The following CNTNAP4 variants were observed in gnomAD, a reference collection of about 807,000 sequenced individuals.
CNTNAP4 encodes the protein contactin-associated protein-like 4.
In CNTNAP4, 98 loss-of-function variants were observed where a neutral mutation model predicts 148.4. The observed-to-expected ratio is 0.66, with a 90% CI of 0.56 to 0.78. The LOEUF is 0.78. Ranked by LOEUF, CNTNAP4 falls within the 30% of genes least tolerant of loss-of-function variation. The probability of loss-of-function intolerance (pLI) is 0.00; values close to 1 mark genes in which losing one functional copy is unlikely to be tolerated. For missense variants in CNTNAP4, 1,935 were observed against 1,565.6 expected, an observed-to-expected ratio of 1.24 and a Z score of -3.98; for synonymous variants, 730 against 565.1, an observed-to-expected ratio of 1.29 and a Z score of -4.14.
chr16:76,480,333 G>A (rs990083395), intron 12 of CNTNAP4, among the ~76,000 whole-genome samples: 1 of 152,032 alleles, frequency 6.6e-6, no homozygotes, highest in Non-Finnish European at 1.5e-5. Context: ...ACTTTTAGGA[G>A]ATCATATTTT....
chr16:76,277,891 A>G (rs1312641207), intron 1 of CNTNAP4, 144 bp downstream of exon 1: 1 of 644,186 alleles, frequency 1.6e-6, no homozygotes, highest in Admixed American at 2.3e-5. Context: ...AATCTTGCCA[A>G]TGTGACCGGT....
At chr16:76,524,011 C>T (rs570217778) in intron 17 of CNTNAP4, among the ~76,000 whole-genome samples, 2 of 152,246 alleles carry the variant, frequency 1.3e-5, no homozygotes, top group East Asian at 1.9e-4. Context: ...CCCCATTACA[C>T]CTTTTATTTC....
chr16:76,401,713 C>A (rs1016657099), intron 3 of CNTNAP4, among the ~76,000 whole-genome samples: 1 of 152,024 alleles, frequency 6.6e-6, no homozygotes, highest in Non-Finnish European at 1.5e-5. Flanking sequence ...GAAGTATGTT[C>A]CTTCAATACC....
intron 2 of CNTNAP4, among the ~76,000 whole-genome samples, chr16:76,339,644 G>A (rs372226189): frequency 2.0e-4 from 30 of 152,256 alleles, no homozygotes; most frequent in African/African-American, 7.2e-4. Flanking sequence ...TTTGTTATGG[G>A]AAAGACAAAG....
intron 3 of CNTNAP4, among the ~76,000 whole-genome samples, chr16:76,409,114 C>T (rs546507222): frequency 6.6e-6 from 1 of 152,076 alleles, no homozygotes; most frequent in East Asian, 1.9e-4. Flanking sequence ...ATAGGCTTTA[C>T]ACTACATGTG....
chr16:76,553,428 C>G lies in CNTNAP4; in HGVS notation c.3588C>G (p.His1196Gln). 4.3e-6 allele frequency: 7 copies of G among 1,612,510 alleles called. No individual in the cohort carries two copies. The highest frequency in any genetic ancestry group is 5.9e-6 in the Non-Finnish European group (7 of 1,179,232). Residue 1196 changes from histidine to glutamine, a missense_variant, in exon 22 of 24, where the codon CAC (histidine) becomes CAG (glutamine). Coordinates refer to ENST00000611870, the MANE Select transcript of CNTNAP4 (RefSeq NM_033401.5). ...CAGACCCTGTCACTGTTACAGGACA[C>G]GTGACTGAGTCCAGCTGTATGGCCC... ...SHPDPVTVTG[H>Q]VTESSCMAQP...
At chr16:76,422,721 C>T (rs1335909989) in intron 3 of CNTNAP4, among the ~76,000 whole-genome samples, 4 of 151,708 alleles carry the variant, frequency 2.6e-5, no homozygotes, top group Non-Finnish European at 5.9e-5. Context: ...TTTCATTTTC[C>T]TCAGTTGTAA....
intron 6 of CNTNAP4, among the ~76,000 whole-genome samples, chr16:76,449,479 C>T (rs890745717): frequency 1.3e-5 from 2 of 152,020 alleles, no homozygotes; most frequent in African/African-American, 4.8e-5. Flanking sequence ...TATTTTTCAT[C>T]GACCAGTGAA....
intron 2 of CNTNAP4, among the ~76,000 whole-genome samples, chr16:76,343,893 C>T (rs1462761422): frequency 6.6e-6 from 1 of 152,146 alleles, no homozygotes; most frequent in Non-Finnish European, 1.5e-5. Context: ...AATCTTTTCT[C>T]TACATTTTTC....
In CNTNAP4 at chr16:76,277,402, C is replaced by T; in HGVS notation, c.-261C>T. On this transcript the variant is annotated 5_prime_UTR_variant, in exon 1 of 24. Transcript: ENST00000611870. ...TGCTTGTTAGGAAAGATGCTGAGTG[C>T]TTTTCAGTGAGGAGTCAGGGAGGTG... is the stretch of plus-strand genomic sequence containing the variant. 1 of 416,076 alleles carries T rather than the reference C, an allele frequency of 2.4e-6. No homozygotes were observed. The highest frequency in any genetic ancestry group is 4.3e-6 in the Non-Finnish European group (1 of 232,250). The allele number at this position is 416,076 out of a possible 1,614,324, so 25.8% of individuals were successfully genotyped here.
intron 3 of CNTNAP4, among the ~76,000 whole-genome samples, chr16:76,424,492 G>A (rs763602246): frequency 5.9e-5 from 9 of 152,098 alleles, no homozygotes; most frequent in Non-Finnish European, 7.4e-5. Flanking sequence ...GGTGGTTCAC[G>A]CCTGTAATCC....
chr16:76,333,595 C>T (rs1306510195), intron 2 of CNTNAP4, among the ~76,000 whole-genome samples: 1 of 152,028 alleles, frequency 6.6e-6, no homozygotes, highest in Non-Finnish European at 1.5e-5. Flanking sequence ...ATCATTGCTT[C>T]CTCAGGGGCA....
chr16:76,420,817 A>G (rs995585941), intron 3 of CNTNAP4, among the ~76,000 whole-genome samples: 20 of 151,948 alleles, frequency 1.3e-4, no homozygotes, highest in Non-Finnish European at 4.4e-5. Flanking sequence ...TGGACATTTA[A>G]TATTTTATTA....
At chr16:76,532,738 C>G (rs796642363) in intron 17 of CNTNAP4, among the ~76,000 whole-genome samples, 4 of 152,164 alleles carry the variant, frequency 2.6e-5, no homozygotes, top group African/African-American at 9.6e-5. Flanking sequence ...CTGGACCTTA[C>G]CCAGGGAAGA....
chr16:76,444,934 T>C (rs2080184130), intron 4 of CNTNAP4, among the ~76,000 whole-genome samples: 1 of 152,168 alleles, frequency 6.6e-6, no homozygotes, highest in Non-Finnish European at 1.5e-5. Flanking sequence ...GATTTCCGTC[T>C]TTCTGTACTT....
At chr16:76,336,426 A>T (rs1964032869) in intron 2 of CNTNAP4, among the ~76,000 whole-genome samples, 1 of 152,216 alleles carries the variant, frequency 6.6e-6, no homozygotes, top group Non-Finnish European at 1.5e-5. Flanking sequence ...GACAAATACT[A>T]CAAAGCAAGA....
chr16:76,479,537 C>G lies in CNTNAP4; in HGVS notation c.1881C>G (p.Thr627=), dbSNP rs374622637. ...LEPFLLYCNM[T]ETAWTIIQHN... ...CATTTCTTCTATATTGCAATATGAC[C>G]GGTGAGTTAATCAGCTTTTATTTTA... Residue 627 remains threonine, a splice_region_variant and synonymous_variant, in exon 12 of 24, where the codon ACC becomes ACG. Transcript: ENST00000611870. 1.2e-6 allele frequency: 2 copies of G among 1,602,442 alleles called. No homozygotes were observed. The highest frequency in any genetic ancestry group is 2.7e-5 in the African/African-American group (2 of 74,418).
intron 7 of CNTNAP4, among the ~76,000 whole-genome samples, chr16:76,451,740 A>C (rs1204502868): frequency 6.6e-6 from 1 of 151,988 alleles, no homozygotes; most frequent in Non-Finnish European, 1.5e-5. Flanking sequence ...CAAATGATGC[A>C]TAAGATCAAG....
Position 76,494,953 on chromosome 16 carries a change from G to C in CNTNAP4, c.2124G>C (p.Thr708=), listed in dbSNP as rs201980646. The C allele has an allele frequency of 5.0e-6, 8 of 1,613,466 alleles. No individual in the cohort carries two copies. Among genetic ancestry groups the C allele is most frequent in the South Asian group, 1.1e-5 (1 of 91,034 alleles). ...GGTGGGTAGGAAGAACCAATGAAAC[G>C]CAAACCTACTGGGGAGGTTCTTCGC... ...LSWWVGRTNE[T]QTYWGGSSPD... is the part of the protein sequence containing the mutation. The change falls in exon 14 of 24, where the codon ACG becomes ACC. Residue 708 remains threonine, a synonymous_variant. Transcript: ENST00000611870.
Sources: gnomAD v4.1 joint callset for allele counts (sites outside exome capture counted in the v4.1 genomes callset) on GRCh38, gnomAD v4.1.1 for gene constraint, MANE v1.5 for transcripts, NCBI Gene and HGNC (gene_info 2026-07-23, HGNC 2026-07-21) for gene names.